The following DPP10 variants were observed in gnomAD, a reference collection of about 807,000 sequenced individuals.
The protein encoded by DPP10 is inactive dipeptidyl peptidase 10.
Under a neutral mutation model 120.9 loss-of-function variants are expected in DPP10, and 33 were observed. That is an observed-to-expected ratio of 0.27 (90% CI 0.21 to 0.37). The LOEUF (loss-of-function observed/expected upper bound fraction) is 0.37. DPP10 is among the 10% of genes least tolerant of loss of function. The probability of loss-of-function intolerance (pLI) is 1.00; values close to 1 mark genes in which losing one functional copy is unlikely to be tolerated. For missense variants in DPP10, 816 were observed against 942.8 expected, an observed-to-expected ratio of 0.87 and a Z score of 1.76; for synonymous variants, 337 against 326.1, an observed-to-expected ratio of 1.03 and a Z score of -0.36.
chr2:115,205,794 G>T (rs142818477), intron 1 of DPP10, among the ~76,000 whole-genome samples: 43 of 152,218 alleles, frequency 2.8e-4, no homozygotes, highest in Middle Eastern at 6.8e-3. Context: ...ATCAAATACT[G>T]CGTGTTCTCA....
intron 5 of DPP10, among the ~76,000 whole-genome samples, chr2:115,610,383 G>C (rs2084009069): frequency 6.6e-6 from 1 of 152,022 alleles, no homozygotes; most frequent in African/African-American, 2.4e-5. Context: ...ATTAGTTACT[G>C]AGATCAACCC....
intron 1 of DPP10, among the ~76,000 whole-genome samples, chr2:115,238,029 A>C (rs975310282): frequency 6.6e-6 from 1 of 152,194 alleles, no homozygotes; most frequent in Non-Finnish European, 1.5e-5. Context: ...ACAAATTTTC[A>C]GTGTAGCCAA....
At chr2:114,517,165 C>T (rs757711604) in intron 1 of DPP10, among the ~76,000 whole-genome samples, 10 of 152,148 alleles carry the variant, frequency 6.6e-5, no homozygotes, top group Non-Finnish European at 1.3e-4. Flanking sequence ...TTTGAAGAAG[C>T]TGACCTTTCT....
chr2:114,522,618 CTT>C (rs1159105645), intron 1 of DPP10, among the ~76,000 whole-genome samples: 10 of 152,068 alleles, frequency 6.6e-5, no homozygotes. Context: ...GCAGTTAAGA[CTT>C]TAAGTTTGGG....
chr2:115,539,590 A>T (rs1052151923), intron 5 of DPP10, among the ~76,000 whole-genome samples: 1 of 151,984 alleles, frequency 6.6e-6, no homozygotes, highest in Non-Finnish European at 1.5e-5. Context: ...TCTGAAATAC[A>T]TCATACCATA....
At chr2:115,446,593 G>A (rs1041309352) in intron 3 of DPP10, among the ~76,000 whole-genome samples, 4 of 152,090 alleles carry the variant, frequency 2.6e-5, no homozygotes, top group Non-Finnish European at 4.4e-5. Context: ...CTTATCACAG[G>A]CTCGGAATGT....
At chr2:115,712,216 C>T (rs1302669934) in intron 7 of DPP10, among the ~76,000 whole-genome samples, 7 of 150,956 alleles carry the variant, frequency 4.6e-5, no homozygotes, top group Non-Finnish European at 2.9e-5. Flanking sequence ...ATGGGAGACA[C>T]TGACACAATT....
chr2:114,934,209 G>A (rs191588535), intron 1 of DPP10, among the ~76,000 whole-genome samples: 2 of 152,162 alleles, frequency 1.3e-5, no homozygotes. Flanking sequence ...TGAAGTTCAG[G>A]CTCATCTCTG....
rs112297414 is a variant in DPP10 at position 114,465,636 on chromosome 2, CTGAT to C, written c.60+22802_60+22805del. 7.0e-4 allele frequency among the ~76,000 whole-genome samples: 107 copies of C among 152,314 alleles called. 2 individuals carry two copies. Among genetic ancestry groups the C allele is most frequent in the African/African-American group, 2.5e-3 (106 of 41,580 alleles). On this transcript the variant is annotated intron_variant, in intron 1 of 25. Transcript: ENST00000410059. ...CTAAGATCTTTTCAATGAGCTTACT[CTGAT>C]TGAATATAAAAACAATTTTTAAATA...
rs576388178 is a variant in DPP10, at chr2:115,758,660, A to G, written c.1075-3912A>G. On this transcript the variant is annotated intron_variant, in intron 11 of 25. Coordinates refer to ENST00000410059, the MANE Select transcript of DPP10 (RefSeq NM_020868.6). ...CAAGTCAAAGTAATCCTGTAAAAGA[A>G]TAAAATTGAAGGAGTTAGCCCTACC... Among the ~76,000 whole-genome samples, 9 of 152,294 alleles carry G rather than the reference A, an allele frequency of 5.9e-5. 1 individual carries two copies. Among genetic ancestry groups the G allele is most frequent in the South Asian group, 4.1e-4 (2 of 4,832 alleles).
intron 1 of DPP10, among the ~76,000 whole-genome samples, chr2:114,877,275 A>G (rs940391622): frequency 6.6e-6 from 1 of 152,118 alleles, no homozygotes; most frequent in Non-Finnish European, 1.5e-5. Context: ...AACAAGGCTT[A>G]TCCTATCTTT....
At position 114,453,364 on chromosome 2, in the gene DPP10, C is replaced by T. The variant is rs1678390778; in HGVS notation, c.60+10526C>T. 2.0e-5 allele frequency among the ~76,000 whole-genome samples: 3 copies of T among 152,162 alleles called. No homozygotes were observed. In the South Asian group the frequency reaches 6.2e-4, roughly 31 times the overall value. On this transcript the variant is annotated intron_variant, in intron 1 of 25. Coordinates refer to ENST00000410059, the MANE Select transcript of DPP10 (RefSeq NM_020868.6). ...TCTCGTCTCCTTTCATATTAAATGACTCAGTTTCCAATCAATTTTCATTGT... is the reference window on the plus strand; with the variant it reads ...TCTCGTCTCCTTTCATATTAAATGATTCAGTTTCCAATCAATTTTCATTGT...
chr2:115,172,921 T>G (rs1485419818), intron 1 of DPP10, among the ~76,000 whole-genome samples: 1 of 152,180 alleles, frequency 6.6e-6, no homozygotes, highest in Non-Finnish European at 1.5e-5. Flanking sequence ...CCTGTTTTGG[T>G]TGGTATGCAG....
chr2:115,032,602 C>T (rs1703913197), intron 1 of DPP10, among the ~76,000 whole-genome samples: 1 of 151,708 alleles, frequency 6.6e-6, no homozygotes, highest in Non-Finnish European at 1.5e-5. Flanking sequence ...GTTCATTGGC[C>T]GGGTGTGGTG....
chr2:115,150,838 C>CAT (rs950731284), intron 1 of DPP10, among the ~76,000 whole-genome samples: 2 of 152,118 alleles, frequency 1.3e-5, no homozygotes, highest in Non-Finnish European at 2.9e-5. Flanking sequence ...AGACAATTTT[C>CAT]ATATATATTA....
At chr2:114,606,923 T>A (rs897733590) in intron 1 of DPP10, among the ~76,000 whole-genome samples, 1 of 152,170 alleles carries the variant, frequency 6.6e-6, no homozygotes, top group Non-Finnish European at 1.5e-5. Context: ...AGAATAATCA[T>A]GACTTCTCTA....
At chr2:114,752,390 G>GA (rs1227236716) in intron 1 of DPP10, among the ~76,000 whole-genome samples, 2 of 152,164 alleles carry the variant, frequency 1.3e-5, no homozygotes, top group South Asian at 4.1e-4. Context: ...AAATAGAGAA[G>GA]AAAAAATGAA....
At chr2:115,721,449 T>A (rs540037695) in intron 7 of DPP10, among the ~76,000 whole-genome samples, 2 of 152,214 alleles carry the variant, frequency 1.3e-5, no homozygotes, top group Non-Finnish European at 2.9e-5. Flanking sequence ...CAAAAATTAA[T>A]GTTGGTACTT....
intron 1 of DPP10, among the ~76,000 whole-genome samples, chr2:115,177,451 A>G (rs1052310757): frequency 5.3e-5 from 8 of 152,074 alleles, no homozygotes; most frequent in African/African-American, 1.9e-4. Flanking sequence ...TTCACTTCCA[A>G]TTTTAAATAA....
Sources: gnomAD v4.1 joint callset for allele counts (sites outside exome capture counted in the v4.1 genomes callset) on GRCh38, gnomAD v4.1.1 for gene constraint, MANE v1.5 for transcripts, NCBI Gene and HGNC (gene_info 2026-07-23, HGNC 2026-07-21) for gene names.